Variants in ARHGAP35 observed in about 807,000 individuals in gnomAD.
The protein encoded by ARHGAP35 is Rho GTPase activating protein 35, also known as rho GTPase-activating protein 35.
In ARHGAP35, 15 loss-of-function variants were observed where a neutral mutation model predicts 111.1. The ratio of observed to expected loss-of-function variants is 0.13; its 90% CI spans 0.09 to 0.21. The LOEUF (loss-of-function observed/expected upper bound fraction) is 0.21, where lower values mean the gene tolerates loss of function less well. Among genes scored for constraint, ARHGAP35 ranks in the 10% least tolerant of loss-of-function variants. The pLI, the probability that ARHGAP35 is intolerant of heterozygous loss-of-function variation, is 1.00. For synonymous variants in ARHGAP35, 643 were observed against 710.3 expected, an observed-to-expected ratio of 0.91 and a Z score of 1.51; for missense variants, 1,262 against 1,873.0, an observed-to-expected ratio of 0.67 and a Z score of 6.02.
chr19:46,951,296 C>T (rs935698233), intron 3 of ARHGAP35, among the ~76,000 whole-genome samples: 3 of 152,190 alleles, frequency 2.0e-5, no homozygotes, highest in Non-Finnish European at 2.9e-5. Flanking sequence ...ATAACAAATA[C>T]ATCCAGGACA....
intron 2 of ARHGAP35, among the ~76,000 whole-genome samples, chr19:46,929,344 G>T (rs1395424678): frequency 6.6e-6 from 1 of 152,100 alleles, no homozygotes; most frequent in African/African-American, 2.4e-5. Flanking sequence ...AATCAGAAAG[G>T]CACGATGTTG....
rs992923931 is a variant in ARHGAP35 at position 46,908,505 on chromosome 19, A to G, written c.-188-9983A>G. On this transcript the variant is annotated intron_variant, in intron 1 of 6. Coordinates refer to ENST00000672722, the MANE Select transcript of ARHGAP35 (RefSeq NM_004491.5). This position sits in a 1 kb window ranked among gnomAD's most constrained non-coding sequence, Gnocchi z 4.2. ...TTTTTGTTGTTGTTTTTCTTAATAT[A>G]GGTAATCCAGAAATTATGCTAAATC... 4.6e-5 allele frequency among the ~76,000 whole-genome samples: 7 copies of G among 152,172 alleles called. No individual in the cohort carries two copies. Among genetic ancestry groups the G allele is most frequent in the African/African-American group, 1.7e-4 (7 of 41,430 alleles).
At chr19:46,961,588 T>C (rs575052887) in intron 3 of ARHGAP35, among the ~76,000 whole-genome samples, 33 of 152,274 alleles carry the variant, frequency 2.2e-4, no homozygotes, top group African/African-American at 7.7e-4. Context: ...TACTGTATAT[T>C]TTATTTCTAT....
chr19:46,978,349 A>C (rs1267516821), intron 3 of ARHGAP35, among the ~76,000 whole-genome samples: 1 of 152,182 alleles, frequency 6.6e-6, no homozygotes, highest in East Asian at 1.9e-4. Context: ...ACCTGAAGGA[A>C]GTTAACCTCT....
At chr19:46,929,277 A>G (rs1052168179) in intron 2 of ARHGAP35, among the ~76,000 whole-genome samples, 2 of 152,360 alleles carry the variant, frequency 1.3e-5, no homozygotes, top group Admixed American at 1.3e-4. Flanking sequence ...ATAAGCAAAT[A>G]ACTTAATTAA....
intron 3 of ARHGAP35, among the ~76,000 whole-genome samples, chr19:46,978,493 G>A (rs1040504456): frequency 5.9e-5 from 9 of 151,428 alleles, no homozygotes; most frequent in Admixed American, 4.6e-4. Context: ...GGATATGTGT[G>A]TGTGTGGTGG....
intron 1 of ARHGAP35, among the ~76,000 whole-genome samples, chr19:46,873,540 C>A (rs1032142382): frequency 4.0e-5 from 6 of 150,228 alleles, no homozygotes; most frequent in Non-Finnish European, 7.4e-5. Flanking sequence ...TGGGAGGCTG[C>A]GGCAGGAGAA....
Position 46,988,086 on chromosome 19 carries a change from G to A in ARHGAP35, c.3904+20G>A. On this transcript the variant is annotated intron_variant, in intron 4 of 6. Coordinates refer to ENST00000672722, the MANE Select transcript of ARHGAP35 (RefSeq NM_004491.5). This position sits in a 1 kb window ranked among gnomAD's most constrained non-coding sequence, Gnocchi z 5.4. ...ATCAAGGTAAAGTGCAGCCTGGCCA[G>A]GCATCCGAGGCCAGAGCTGGTCAAG... 1 of 1,610,498 alleles carries A rather than the reference G, an allele frequency of 6.2e-7. No individual in the cohort carries two copies. The highest frequency in any genetic ancestry group is 8.5e-7 in the Non-Finnish European group (1 of 1,177,958).
chr19:46,900,879 C>T (rs1599807189), intron 1 of ARHGAP35, among the ~76,000 whole-genome samples: 3 of 152,218 alleles, frequency 2.0e-5, no homozygotes. Context: ...CTCATGGCTG[C>T]TCCCACGCCT....
At chr19:46,957,855 T>C (rs1190360285) in intron 3 of ARHGAP35, among the ~76,000 whole-genome samples, 1 of 152,216 alleles carries the variant, frequency 6.6e-6, no homozygotes, top group East Asian at 1.9e-4. Context: ...GCATGGTCTC[T>C]GCTATTAGGA....
rs769645898 is a variant in ARHGAP35, at chr19:47,000,284, G to C, written c.4143-47G>C. 2 of 1,577,316 alleles carry C rather than the reference G, an allele frequency of 1.3e-6. No homozygotes were observed. Among genetic ancestry groups the C allele is most frequent in the Admixed American group, 1.8e-5 (1 of 56,960 alleles). ...GAAGACCATGAGCGCCCAGGGCCAG[G>C]TGGGGCCCTGCACAGTTCTGACCAT... On this transcript the variant is annotated intron_variant, in intron 6 of 6. Coordinates refer to ENST00000672722, the MANE Select transcript of ARHGAP35 (RefSeq NM_004491.5). This position sits in a 1 kb window ranked among gnomAD's most constrained non-coding sequence, Gnocchi z 6.9.
intron 5 of ARHGAP35, among the ~76,000 whole-genome samples, chr19:46,995,843 A>G (rs2056704472): frequency 6.6e-6 from 1 of 152,226 alleles, no homozygotes; most frequent in Admixed American, 6.5e-5. Flanking sequence ...TTAAGGAAAG[A>G]GGTGAATGGG....
intron 1 of ARHGAP35, among the ~76,000 whole-genome samples, chr19:46,896,823 G>A (rs1476689703): frequency 6.6e-6 from 1 of 152,124 alleles, no homozygotes; most frequent in Non-Finnish European, 1.5e-5. Context: ...ATTTCCTATG[G>A]TAAGGTTTTT....
chr19:46,934,819 G>A (rs1044291191), intron 2 of ARHGAP35, among the ~76,000 whole-genome samples: 5 of 151,798 alleles, frequency 3.3e-5, no homozygotes, highest in African/African-American at 9.7e-5. Context: ...ATAGGTGTGC[G>A]CTACCACGCC....
Position 46,987,973 on chromosome 19 carries a change from G to T in ARHGAP35, c.3827-16G>T. 5 of 1,613,096 alleles carry T rather than the reference G, an allele frequency of 3.1e-6. No individual in the cohort carries two copies. Among genetic ancestry groups the T allele is most frequent in the Non-Finnish European group, 4.2e-6 (5 of 1,179,476 alleles). ...CTCCAGTTCCTGCTCCTAAGACCCTGCCTGTTTCTCCTCAGGACTGAGCAC... is the reference window on the plus strand; with the variant it reads ...CTCCAGTTCCTGCTCCTAAGACCCTTCCTGTTTCTCCTCAGGACTGAGCAC... On this transcript the variant is annotated splice_polypyrimidine_tract_variant and intron_variant, in intron 3 of 6. Coordinates refer to ENST00000672722, the MANE Select transcript of ARHGAP35 (RefSeq NM_004491.5).
At chr19:46,927,178 A>C (rs2056243418) in intron 2 of ARHGAP35, among the ~76,000 whole-genome samples, 1 of 152,234 alleles carries the variant, frequency 6.6e-6, no homozygotes, top group South Asian at 2.1e-4. Flanking sequence ...GCCGAAGTTC[A>C]GTCATTCTTT....
At chr19:46,882,881 C>T (rs986096486) in intron 1 of ARHGAP35, among the ~76,000 whole-genome samples, 3 of 152,356 alleles carry the variant, frequency 2.0e-5, no homozygotes, top group African/African-American at 7.2e-5. Context: ...CTCGTGTTCA[C>T]TGGAGTAGCA....
intron 3 of ARHGAP35, among the ~76,000 whole-genome samples, chr19:46,981,700 C>G (rs1027173719): frequency 1.8e-4 from 27 of 152,326 alleles, no homozygotes; most frequent in Admixed American, 1.6e-3. Context: ...GGAGCAGGGC[C>G]AGCCACCACA....
chr19:46,972,852 T>C (rs544949348), intron 3 of ARHGAP35, among the ~76,000 whole-genome samples: 1 of 152,234 alleles, frequency 6.6e-6, no homozygotes, highest in East Asian at 1.9e-4. Context: ...CCCAGAGCCA[T>C]TGCCTGCTAG....
Sources: allele counts gnomAD v4.1 joint callset (sites outside exome capture counted in the v4.1 genomes callset), GRCh38; gene constraint gnomAD v4.1.1; non-coding constraint Gnocchi (gnomAD v3.1); transcripts MANE v1.5; gene names NCBI Gene and HGNC (gene_info 2026-07-23, HGNC 2026-07-21).